The following SNTG2 variants were observed in gnomAD, a reference collection of about 807,000 sequenced individuals.
SNTG2 encodes syntrophin gamma 2.
A neutral mutation model predicts 70.9 loss-of-function variants in SNTG2; 74 were observed. The ratio of observed to expected loss-of-function variants is 1.04; its 90% CI spans 0.86 to 1.27. The LOEUF is 1.27. Among genes scored for constraint, SNTG2 ranks in the 50% most tolerant of loss-of-function variants. SNTG2 has a pLI of 0.00. For missense variants in SNTG2, 717 were observed against 690.7 expected (o/e 1.04, Z -0.43); for synonymous variants, 278 against 273.8 (o/e 1.02, Z -0.15).
chr2:987,946 C>A (rs115188027), intron 1 of SNTG2, among the ~76,000 whole-genome samples: 4,325 of 152,264 alleles, frequency 0.028, 78 homozygotes, highest in South Asian at 0.065. Flanking sequence ...AGGATGACAC[C>A]CCACGTGGGC....
chr2:1,173,018 T>A (rs1460942327), intron 7 of SNTG2, 74 bp from the exon 8 acceptor site: 7 of 1,367,736 alleles, frequency 5.1e-6, no homozygotes, highest in Non-Finnish European at 6.2e-6. Context: ...CAGGTAGAAC[T>A]GAAGTCACTG....
chr2:1,164,293 A>C (rs1670552942), intron 6 of SNTG2, among the ~76,000 whole-genome samples: 2 of 140,736 alleles, frequency 1.4e-5, no homozygotes, highest in African/African-American at 5.4e-5. Context: ...GTCTCTGTGT[A>C]GACGAGAGGG....
At chr2:1,132,699 G>GTA (rs2148318181) in intron 4 of SNTG2, among the ~76,000 whole-genome samples, 1 of 152,312 alleles carries the variant, frequency 6.6e-6, no homozygotes, top group South Asian at 2.1e-4. Context: ...ATCCTCCACT[G>GTA]TGTAAGCTGA....
intron 1 of SNTG2, among the ~76,000 whole-genome samples, chr2:968,909 A>T (rs908258637): frequency 6.6e-6 from 1 of 151,954 alleles, no homozygotes; most frequent in Admixed American, 6.6e-5. Context: ...TTTTGTTCCA[A>T]TTGCTTTTGG....
chr2:1,262,187 A>T (rs1423038689), intron 13 of SNTG2, among the ~76,000 whole-genome samples: 1 of 152,194 alleles, frequency 6.6e-6, no homozygotes. Context: ...AACTCCACTG[A>T]AACAAAGGAT....
intron 1 of SNTG2, among the ~76,000 whole-genome samples, chr2:971,819 A>T (rs1404994358): frequency 6.6e-6 from 1 of 151,068 alleles, no homozygotes; most frequent in African/African-American, 2.4e-5. Context: ...TTGTCTTAAT[A>T]CTGCTTTAGG....
intron 8 of SNTG2, among the ~76,000 whole-genome samples, chr2:1,195,320 T>C (rs1672843516): frequency 6.6e-6 from 1 of 152,062 alleles, no homozygotes; most frequent in East Asian, 1.9e-4. Context: ...TCACAATGGT[T>C]GAACTAATCT....
chr2:1,073,029 G>C (rs1663681146), intron 1 of SNTG2, among the ~76,000 whole-genome samples: 2 of 152,218 alleles, frequency 1.3e-5, no homozygotes, highest in Non-Finnish European at 2.9e-5. Context: ...ATTAGGAATT[G>C]CTTCCCGTGG....
At chr2:1,134,141 C>T (rs895434621) in intron 4 of SNTG2, among the ~76,000 whole-genome samples, 1 of 152,066 alleles carries the variant, frequency 6.6e-6, no homozygotes, top group Non-Finnish European at 1.5e-5. Context: ...AAGCTGGAGA[C>T]CTTTGCGGTG....
chr2:985,897 G>T (rs1345314102), intron 1 of SNTG2, among the ~76,000 whole-genome samples: 1 of 152,050 alleles, frequency 6.6e-6, no homozygotes, highest in Non-Finnish European at 1.5e-5. Flanking sequence ...ACAGTTTCAT[G>T]GACAAGAAAG....
rs56168728 is a variant in SNTG2, at chr2:1,014,623, A to T, written c.72+63555A>T. On this transcript the variant is annotated intron_variant, in intron 1 of 16. Coordinates refer to ENST00000308624, the MANE Select transcript of SNTG2 (RefSeq NM_018968.4). ...AGGGTGGTCTGGAGAGGGATTTATAAGGACAGAGAGAAGGGTGGTCTGTAG... is the reference window on the plus strand; with the variant it reads ...AGGGTGGTCTGGAGAGGGATTTATATGGACAGAGAGAAGGGTGGTCTGTAG... 3.7e-3 allele frequency among the ~76,000 whole-genome samples: 212 copies of T among 57,286 alleles called. 7 individuals carry two copies. The highest frequency in any genetic ancestry group is 5.5e-3 in the Non-Finnish European group (126 of 23,096). 37.6% of individuals were successfully genotyped at this position (57,286 alleles called of 152,430 possible).
At chr2:1,337,090 C>A (rs1659855456) in intron 16 of SNTG2, among the ~76,000 whole-genome samples, 1 of 152,088 alleles carries the variant, frequency 6.6e-6, no homozygotes, top group Non-Finnish European at 1.5e-5. Context: ...CCATTATATG[C>A]ATATACCCAA....
chr2:1,080,354 GACTTTT>G (rs1435938063), intron 1 of SNTG2, among the ~76,000 whole-genome samples: 1 of 152,182 alleles, frequency 6.6e-6, no homozygotes, highest in Non-Finnish European at 1.5e-5. Flanking sequence ...ATAGGAATTT[GACTTTT>G]ACTTTGAGTT....
At chr2:1,207,330 T>C (rs1260712749) in intron 8 of SNTG2, among the ~76,000 whole-genome samples, 1 of 152,244 alleles carries the variant, frequency 6.6e-6, no homozygotes, top group Non-Finnish European at 1.5e-5. Flanking sequence ...TATTGCCACT[T>C]TTGCTATTGA....
At chr2:1,024,822 C>T (rs1660384745) in intron 1 of SNTG2, among the ~76,000 whole-genome samples, 1 of 152,126 alleles carries the variant, frequency 6.6e-6, no homozygotes, top group Non-Finnish European at 1.5e-5. Flanking sequence ...CAAGGTGGCA[C>T]TGAGGTGACA....
intron 1 of SNTG2, among the ~76,000 whole-genome samples, chr2:977,931 G>A (rs1660965960): frequency 6.6e-6 from 1 of 152,156 alleles, no homozygotes; most frequent in South Asian, 2.1e-4. Context: ...TGGCCTTCTT[G>A]GAAGACCTCA....
chr2:1,182,182 T>G (rs936403367), intron 8 of SNTG2, among the ~76,000 whole-genome samples: 2 of 152,130 alleles, frequency 1.3e-5, no homozygotes, highest in African/African-American at 2.4e-5. Context: ...GCTGACCTGA[T>G]CCTTTGAGAA....
At chr2:1,031,904 T>A (rs1660859168) in intron 1 of SNTG2, among the ~76,000 whole-genome samples, 3 of 152,112 alleles carry the variant, frequency 2.0e-5, no homozygotes. Flanking sequence ...GACTGACTGC[T>A]AATGGGCACA....
chr2:1,283,332 G>A (rs142871303), intron 14 of SNTG2, among the ~76,000 whole-genome samples: 1 of 152,138 alleles, frequency 6.6e-6, no homozygotes, highest in African/African-American at 2.4e-5. Flanking sequence ...TTGGGACCGG[G>A]GTGCCCACCC....
Sources: allele counts gnomAD v4.1 joint callset (sites outside exome capture counted in the v4.1 genomes callset), GRCh38; gene constraint gnomAD v4.1.1; transcripts MANE v1.5; gene names NCBI Gene and HGNC (gene_info 2026-07-23, HGNC 2026-07-21).